ARID4B: variants seen among roughly 807,000 people sequenced by gnomAD.
ARID4B encodes AT-rich interactive domain-containing protein 4B.
ARID4B carries 26 observed loss-of-function variants against 147.5 expected under a neutral mutation model. The observed-to-expected ratio is 0.18, with a 90% CI of 0.13 to 0.24. ARID4B has a LOEUF of 0.24. Among genes scored for constraint, ARID4B ranks in the 10% least tolerant of loss-of-function variants. The probability of loss-of-function intolerance (pLI) is 1.00; values close to 1 mark genes in which losing one functional copy is unlikely to be tolerated. For missense variants in ARID4B, 1,179 were observed against 1,511.5 expected, an observed-to-expected ratio of 0.78 and a Z score of 3.65; for synonymous variants, 512 against 507.9, an observed-to-expected ratio of 1.01 and a Z score of -0.11.
chr1:235,301,730 G>T (rs72758049), intron 2 of ARID4B, among the ~76,000 whole-genome samples: 70,559 of 147,892 alleles, frequency 0.48, 16,977 homozygotes, highest in South Asian at 0.6. Context: ...TTTTTTTTTT[G>T]TGAGATGCAG....
intron 2 of ARID4B, 48 bp downstream of exon 2, chr1:235,326,866 T>TC: frequency 6.2e-7 from 1 of 1,611,240 alleles, no homozygotes; most frequent in Non-Finnish European, 8.5e-7. Context: ...ACCTCCTACT[T>TC]CCTGAATTCG....
intron 2 of ARID4B, among the ~76,000 whole-genome samples, chr1:235,312,151 T>C (rs1046437224): frequency 6.6e-6 from 1 of 152,052 alleles, no homozygotes; most frequent in Admixed American, 6.5e-5. Flanking sequence ...CTGGGCGTGG[T>C]GGCGCGCACC....
chr1:235,207,437 T>C (rs1052792581), intron 17 of ARID4B, among the ~76,000 whole-genome samples: 2 of 152,098 alleles, frequency 1.3e-5, no homozygotes, highest in Non-Finnish European at 1.5e-5. Flanking sequence ...AAGGTTCTTG[T>C]GGTTTTGTCA....
chr1:235,184,008 A>G (rs183849366), intron 19 of ARID4B, among the ~76,000 whole-genome samples: 1 of 151,826 alleles, frequency 6.6e-6, no homozygotes, highest in Admixed American at 6.6e-5. Context: ...TGAACTCCTG[A>G]GCTCTAGCAA....
chr1:235,243,825 C>T (rs187721394), intron 7 of ARID4B, among the ~76,000 whole-genome samples: 54 of 152,230 alleles, frequency 3.5e-4, no homozygotes, highest in African/African-American at 9.6e-4. Context: ...TTCTTAGAAA[C>T]ACACAGAACC....
intron 8 of ARID4B, 95 bp from the exon 9 acceptor site, chr1:235,234,587 A>G (rs1668445405): frequency 1.1e-6 from 1 of 889,480 alleles, no homozygotes; most frequent in Non-Finnish European, 1.7e-6. Flanking sequence ...GTAAGCTTGA[A>G]GTTTAAAAAC....
rs1243758036 is a variant in ARID4B, at chr1:235,255,768, A to G, written c.184-18T>C. ...GCTCCTACCTAAAGTATTTTTAAAC[A>G]TGTTAGAAAAACTTTTAAAAGGTAA... On this transcript the variant is annotated intron_variant, in intron 4 of 23. Transcript: ENST00000264183. 6.4e-7 allele frequency: 1 copy of G among 1,568,198 alleles called. No homozygotes were observed.
At chr1:235,270,100 G>A (rs999770130) in intron 2 of ARID4B, among the ~76,000 whole-genome samples, 5 of 152,010 alleles carry the variant, frequency 3.3e-5, no homozygotes, top group African/African-American at 1.2e-4. Flanking sequence ...TGGCTAACAC[G>A]GTGAAACCCC....
At chr1:235,325,101 A>G (rs1200030423) in intron 2 of ARID4B, among the ~76,000 whole-genome samples, 1 of 152,222 alleles carries the variant, frequency 6.6e-6, no homozygotes, top group African/African-American at 2.4e-5. Flanking sequence ...AGTTTTTAGT[A>G]CTAATAATTA....
At chr1:235,233,711 T>G (rs1360108287) in intron 9 of ARID4B, among the ~76,000 whole-genome samples, 2 of 152,128 alleles carry the variant, frequency 1.3e-5, no homozygotes, top group East Asian at 3.9e-4. Flanking sequence ...ACTATAACCA[T>G]TAGACATAAC....
chr1:235,177,659 A>G (rs1188147883), intron 21 of ARID4B, 141 bp downstream of exon 21: 7 of 533,124 alleles, frequency 1.3e-5, no homozygotes, highest in Non-Finnish European at 1.9e-5. Flanking sequence ...GTAGCCTTAC[A>G]GAATTTGTGT....
intron 9 of ARID4B, among the ~76,000 whole-genome samples, chr1:235,232,835 G>T (rs531630544): frequency 1.8e-3 from 272 of 149,956 alleles, no homozygotes; most frequent in Middle Eastern, 3.4e-3. Flanking sequence ...ATTTTTTTTT[G>T]TTTTGTTTTG....
At chr1:235,263,568 G>A (rs1300515755) in intron 2 of ARID4B, among the ~76,000 whole-genome samples, 2 of 152,134 alleles carry the variant, frequency 1.3e-5, no homozygotes, top group African/African-American at 4.8e-5. Context: ...GACGGGAGAA[G>A]GGTATTTATT....
At chr1:235,317,314 G>C (rs1674510194) in intron 2 of ARID4B, among the ~76,000 whole-genome samples, 1 of 152,118 alleles carries the variant, frequency 6.6e-6, no homozygotes, top group South Asian at 2.1e-4. Flanking sequence ...TGTACTGTGG[G>C]TTTCATCAAG....
At chr1:235,255,269 ATCTCTCTC>A (rs58782902) in intron 5 of ARID4B, among the ~76,000 whole-genome samples, 17 of 131,712 alleles carry the variant, frequency 1.3e-4, no homozygotes, top group African/African-American at 4.5e-4. Context: ...ATAGATATAT[ATCTCTCTC>A]TCTCTCTCTC....
chr1:235,314,362 C>T (rs1674283279), intron 2 of ARID4B, among the ~76,000 whole-genome samples: 1 of 152,154 alleles, frequency 6.6e-6, no homozygotes, highest in African/African-American at 2.4e-5. Flanking sequence ...ATTTACACAA[C>T]TTTACAAGGT....
At chr1:235,198,361 G>A (rs1021224512) in intron 17 of ARID4B, among the ~76,000 whole-genome samples, 1 of 152,136 alleles carries the variant, frequency 6.6e-6, no homozygotes, top group East Asian at 1.9e-4. Flanking sequence ...TTGCACATTT[G>A]TATATTTTAC....
intron 6 of ARID4B, among the ~76,000 whole-genome samples, chr1:235,248,648 C>T (rs1387807461): frequency 2.0e-5 from 3 of 152,072 alleles, no homozygotes; most frequent in Admixed American, 1.3e-4. Context: ...ATTTCACTTG[C>T]TACAGGAAAG....
At position 235,231,103 on chromosome 1, in the gene ARID4B, T is replaced by C. The variant is rs770287973; in HGVS notation, c.742+10A>G. On this transcript the variant is annotated intron_variant, in intron 10 of 23. Coordinates refer to ENST00000264183, the MANE Select transcript of ARID4B (RefSeq NM_016374.6). The stretch of plus-strand genomic sequence containing the variant: ...ACAGTACTTGTAATTTATTCCAAGA[T>C]TATCCTTACCTTGCTTTAAAACAGC... The C allele has an allele frequency of 3.8e-5, 59 of 1,546,712 alleles. No individual in the cohort carries two copies. The highest frequency in any genetic ancestry group is 4.8e-5 in the Non-Finnish European group (55 of 1,141,444).
Sources: allele counts gnomAD v4.1 joint callset (sites outside exome capture counted in the v4.1 genomes callset), GRCh38; gene constraint gnomAD v4.1.1; transcripts MANE v1.5; gene names NCBI Gene and HGNC (gene_info 2026-07-23, HGNC 2026-07-21).